ZDHHC7: variants seen among roughly 807,000 people sequenced by gnomAD.
ZDHHC7 encodes the protein palmitoyltransferase ZDHHC7.
In ZDHHC7, 12 loss-of-function variants were observed where a neutral mutation model predicts 34.1. That is an observed-to-expected ratio of 0.35 (90% CI 0.23 to 0.57). The LOEUF (loss-of-function observed/expected upper bound fraction) is 0.57, where lower values mean the gene tolerates loss of function less well. Ranked by LOEUF, ZDHHC7 falls within the 20% of genes least tolerant of loss-of-function variation. The pLI is 0.84. For missense variants in ZDHHC7, 388 were observed against 402.7 expected (o/e 0.96, Z 0.31); for synonymous variants, 185 against 155.4 (o/e 1.19, Z -1.42).
chr16:84,977,010 A>AGTGC, intron 7 of ZDHHC7, 85 bp downstream of exon 7: 2 of 1,563,396 alleles, frequency 1.3e-6, no homozygotes, highest in Non-Finnish European at 1.7e-6. Context: ...GTCAGTCCAC[A>AGTGC]GGCACCTATT....
chr16:84,997,954 G>C (rs1255653592), intron 1 of ZDHHC7, among the ~76,000 whole-genome samples: 3 of 145,312 alleles, frequency 2.1e-5, no homozygotes, highest in Admixed American at 7.0e-5. Flanking sequence ...AGAAGACAGA[G>C]AGAAAACACT....
At chr16:85,008,302 G>A (rs929780763) in intron 1 of ZDHHC7, among the ~76,000 whole-genome samples, 2 of 151,914 alleles carry the variant, frequency 1.3e-5, no homozygotes, top group Admixed American at 6.6e-5. Context: ...CCTGCATAAT[G>A]GGGCCTCAAT....
chr16:85,022,957 G>C, the ZDHHC7 span, among the ~76,000 whole-genome samples: 5 of 152,250 alleles, frequency 3.3e-5, no homozygotes, highest in South Asian at 2.1e-4. Context: ...AAGAAAAGCT[G>C]AGGAACTGTT....
chr16:85,012,789 C>T (rs955023186), upstream of ZDHHC7, among the ~76,000 whole-genome samples: 1 of 152,054 alleles, frequency 6.6e-6, no homozygotes, highest in Non-Finnish European at 1.5e-5. Context: ...CCTGTAATCT[C>T]AGCTACTCGG....
chr16:84,994,056 G>A (rs531279893), intron 2 of ZDHHC7, among the ~76,000 whole-genome samples: 78 of 152,320 alleles, frequency 5.1e-4, no homozygotes, highest in African/African-American at 1.9e-3. Context: ...TGCCTCCGCT[G>A]AAGCCCTGGG....
intron 2 of ZDHHC7, among the ~76,000 whole-genome samples, chr16:84,993,917 G>A (rs762331802): frequency 8.5e-5 from 13 of 152,160 alleles, no homozygotes; most frequent in Non-Finnish European, 1.8e-4. Flanking sequence ...TTCTTCTGAG[G>A]AGCACTTTGC....
At chr16:85,012,736 CT>C (rs565108996), upstream of ZDHHC7, among the ~76,000 whole-genome samples, 90 of 152,110 alleles carry the variant, frequency 5.9e-4, no homozygotes, top group African/African-American at 2.1e-3. Context: ...GAAACCCCAT[CT>C]CTACTAAAAA....
chr16:84,988,650 A>G (rs768345373), intron 3 of ZDHHC7: 1 of 881,084 alleles, frequency 1.1e-6, no homozygotes, highest in East Asian at 2.7e-5. Flanking sequence ...GAGTAGCTGT[A>G]GAGTCTGAGC....
At chr16:84,997,786 G>A (rs1163336441) in intron 1 of ZDHHC7, among the ~76,000 whole-genome samples, 10 of 147,906 alleles carry the variant, frequency 6.8e-5, no homozygotes, top group Admixed American at 5.4e-4. Context: ...CCAGCTACTC[G>A]GGAGGCTGAG....
rs2072269939 is a variant in ZDHHC7, at chr16:84,974,577, C to G, written c.*1766G>C. ...TGCCAAGTCTCACAGGATTCAACCA[C>G]TTGGATAATTGTTTTATTGATAACA... On this transcript the variant is annotated 3_prime_UTR_variant, in exon 8 of 8. Transcript: ENST00000313732. 1 of 152,656 alleles carries G rather than the reference C, an allele frequency of 6.6e-6. No homozygotes were observed. The highest frequency in any genetic ancestry group is 1.5e-5 in the Non-Finnish European group (1 of 68,044). The allele number at this position is 152,656 out of a possible 1,614,324, so 9.5% of individuals were successfully genotyped here. A position where few individuals can be genotyped will look rare whatever the true frequency, so the allele number is the denominator to read the frequency against.
At chr16:85,022,865 C>T in the ZDHHC7 span, among the ~76,000 whole-genome samples, 3 of 152,114 alleles carry the variant, frequency 2.0e-5, no homozygotes, top group African/African-American at 4.8e-5. Context: ...AATAAGGGAA[C>T]AATCAGGAAA....
At chr16:84,979,577 A>G (rs913531168) in intron 4 of ZDHHC7, among the ~76,000 whole-genome samples, 72 of 152,180 alleles carry the variant, frequency 4.7e-4, no homozygotes, top group African/African-American at 1.6e-3. Flanking sequence ...ATGTACACCT[A>G]TCAGTAATGT....
At chr16:85,025,852 G>C in the ZDHHC7 span, among the ~76,000 whole-genome samples, 1 of 152,184 alleles carries the variant, frequency 6.6e-6, no homozygotes, top group East Asian at 1.9e-4. Flanking sequence ...CAAGAAATAA[G>C]GTTAACCTAG....
At chr16:85,021,020 G>A in the ZDHHC7 span, among the ~76,000 whole-genome samples, 3 of 151,968 alleles carry the variant, frequency 2.0e-5, no homozygotes, top group Admixed American at 2.0e-4. Flanking sequence ...TGGGAGGATC[G>A]CTTGAGCCCA....
In ZDHHC7 at chr16:84,984,513, G is replaced by A. The variant is rs76731206; in HGVS notation, c.316-2519C>T. On this transcript the variant is annotated intron_variant, in intron 3 of 7. Transcript: ENST00000313732. ...GCCATGCATGCACTTTTCCACAGCA[G>A]CAGCAAATATGATACGATGTGGCAC... Among the ~76,000 whole-genome samples, 4 of 152,272 alleles carry A rather than the reference G, an allele frequency of 2.6e-5. No individual in the cohort carries two copies. In the East Asian group the frequency reaches 7.7e-4, roughly 29 times the overall value.
At position 84,976,270 on chromosome 16, in the gene ZDHHC7, C is replaced by G; in HGVS notation, c.*73G>C. ...AGTTGCCCTGTTGGTCACAGATGAG[C>G]TGTTGATATCCTTCAGACCCCAAAT... On this transcript the variant is annotated 3_prime_UTR_variant, in exon 8 of 8. Transcript: ENST00000313732. The G allele has an allele frequency of 1.3e-6, 2 of 1,572,468 alleles. No individual in the cohort carries two copies. The highest frequency in any genetic ancestry group is 1.7e-6 in the Non-Finnish European group (2 of 1,156,656).
chr16:84,995,429 C>G (rs929061320), intron 2 of ZDHHC7, among the ~76,000 whole-genome samples: 5 of 152,304 alleles, frequency 3.3e-5, no homozygotes, highest in Admixed American at 2.0e-4. Flanking sequence ...AGTTCAAGAC[C>G]AGCCTGGCCA....
intron 1 of ZDHHC7, among the ~76,000 whole-genome samples, chr16:84,997,140 T>C (rs185028584): frequency 6.6e-6 from 1 of 151,774 alleles, no homozygotes; most frequent in African/African-American, 2.4e-5. Context: ...CAACAAGGCA[T>C]AGGTAAAATT....
chr16:85,025,240 C>T, the ZDHHC7 span, among the ~76,000 whole-genome samples: 28 of 151,538 alleles, frequency 1.8e-4, no homozygotes, highest in African/African-American at 5.1e-4. Context: ...CACTGCACTC[C>T]GGCCTGGGTG....
Sources: gnomAD v4.1 joint callset for allele counts (sites outside exome capture counted in the v4.1 genomes callset) on GRCh38, gnomAD v4.1.1 for gene constraint, MANE v1.5 for transcripts, NCBI Gene and HGNC (gene_info 2026-07-23, HGNC 2026-07-21) for gene names.